The following CXCL13 variants were observed in gnomAD, a reference collection of about 807,000 sequenced individuals.
CXCL13 encodes the protein C-X-C motif chemokine 13.
CXCL13 carries 7 observed loss-of-function variants against 12.2 expected under a neutral mutation model. The ratio of observed to expected loss-of-function variants is 0.57; its 90% confidence interval spans 0.33 to 1.07. The LOEUF is 1.07. Among genes scored for constraint, CXCL13 ranks in the 50% least tolerant of loss-of-function variants. The pLI is 0.04. For synonymous variants in CXCL13, 47 were observed against 42.4 expected (o/e 1.11, Z -0.42); for missense variants, 113 against 127.4 (o/e 0.89, Z 0.55).
chr4:77,519,699 G>A (rs1056813957), intron 1 of CXCL13, among the ~76,000 whole-genome samples: 4 of 152,162 alleles, frequency 2.6e-5, no homozygotes, highest in Admixed American at 6.5e-5. Flanking sequence ...CTTTTGCTGT[G>A]CAGAAGATCT....
intron 1 of CXCL13, among the ~76,000 whole-genome samples, chr4:77,515,740 A>G (rs1247719811): frequency 1.3e-5 from 2 of 152,220 alleles, no homozygotes; most frequent in African/African-American, 2.4e-5. Flanking sequence ...ATATACCATC[A>G]TGTCATCTGC....
chr4:77,580,478 C>A (rs1219104139), intron 1 of CXCL13, among the ~76,000 whole-genome samples: 1 of 150,974 alleles, frequency 6.6e-6, no homozygotes. Context: ...AGGCACCCAC[C>A]ACCACGCACA....
At chr4:77,539,937 A>G (rs184478166) in intron 1 of CXCL13, among the ~76,000 whole-genome samples, 329 of 152,174 alleles carry the variant, frequency 2.2e-3, no homozygotes, top group Non-Finnish European at 3.7e-3. Context: ...TCCAAAAGTG[A>G]CTCAAAACCA....
intron 1 of CXCL13, among the ~76,000 whole-genome samples, chr4:77,591,142 A>G (rs1271803889): frequency 6.6e-6 from 1 of 152,220 alleles, no homozygotes; most frequent in Non-Finnish European, 1.5e-5. Context: ...CGTACCATTT[A>G]TTACATATAC....
At chr4:77,567,916 G>A (rs1340802281) in intron 1 of CXCL13, among the ~76,000 whole-genome samples, 1 of 152,158 alleles carries the variant, frequency 6.6e-6, no homozygotes, top group Non-Finnish European at 1.5e-5. Context: ...AGCCCTCAGG[G>A]CTACTCTGCC....
intron 1 of CXCL13, among the ~76,000 whole-genome samples, chr4:77,545,960 G>T (rs1725351544): frequency 6.6e-6 from 1 of 152,180 alleles, no homozygotes; most frequent in South Asian, 2.1e-4. Context: ...AGAGCGAAGG[G>T]CTGTTGAATT....
chr4:77,545,407 T>A (rs563315253), intron 1 of CXCL13, among the ~76,000 whole-genome samples: 2 of 152,322 alleles, frequency 1.3e-5, no homozygotes, highest in East Asian at 3.9e-4. Flanking sequence ...TTTGATTGTG[T>A]CCTCTTTTAT....
chr4:77,573,337 C>G (rs1305586256), intron 1 of CXCL13, among the ~76,000 whole-genome samples: 2 of 147,406 alleles, frequency 1.4e-5, no homozygotes, highest in Admixed American at 6.8e-5. Context: ...GACTAGAGTT[C>G]CAAGAAAAAA....
rs928113012 is a variant in CXCL13 at position 77,594,454 on chromosome 4, A to G, written c.-42-11370A>G. Among the ~76,000 whole-genome samples the G allele has an allele frequency of 7.9e-5, 12 of 152,208 alleles. No individual in the cohort carries two copies. The East Asian group carries it at 2.1e-3, about 27-fold the overall frequency. ...AATAGGCTGGTCAGGAAGTCCCCCA[A>G]TACTTGCATCAAAATTACCCATTTT... On this transcript the variant is annotated intron_variant, in intron 1 of 4. Coordinates refer to the CXCL13 transcript ENST00000286758.
At chr4:77,590,646 G>A (rs1320608658) in intron 1 of CXCL13, among the ~76,000 whole-genome samples, 1 of 152,142 alleles carries the variant, frequency 6.6e-6, no homozygotes, top group Non-Finnish European at 1.5e-5. Flanking sequence ...ATGTCCATTG[G>A]CATGACAGTA....
At chr4:77,589,729 T>C (rs1726563115) in intron 1 of CXCL13, among the ~76,000 whole-genome samples, 1 of 152,180 alleles carries the variant, frequency 6.6e-6, no homozygotes, top group South Asian at 2.1e-4. Context: ...TTGGCATTTG[T>C]TAAGTGTTTG....
At chr4:77,519,271 C>T (rs7685785) in intron 1 of CXCL13, among the ~76,000 whole-genome samples, 12,970 of 152,200 alleles carry the variant, frequency 0.085, 659 homozygotes, top group South Asian at 0.12. Context: ...GCAGTCTGCC[C>T]GTTCTCAGAT....
At chr4:77,571,999 C>A (rs1726096477) in intron 1 of CXCL13, among the ~76,000 whole-genome samples, 1 of 151,764 alleles carries the variant, frequency 6.6e-6, no homozygotes, top group Admixed American at 6.6e-5. Context: ...GACCACGAAC[C>A]CACCAGAAGA....
At chr4:77,540,140 C>T (rs1374111842) in intron 1 of CXCL13, among the ~76,000 whole-genome samples, 4 of 151,972 alleles carry the variant, frequency 2.6e-5, no homozygotes, top group Non-Finnish European at 5.9e-5. Flanking sequence ...ATTTATATGC[C>T]AGATACCTAA....
chr4:77,549,231 A>G (rs1352057498), intron 1 of CXCL13, among the ~76,000 whole-genome samples: 1 of 152,192 alleles, frequency 6.6e-6, no homozygotes, highest in Non-Finnish European at 1.5e-5. Context: ...CTAGTTAGCC[A>G]TTCTTCTAAT....
At chr4:77,575,134 G>A (rs903899059) in intron 1 of CXCL13, among the ~76,000 whole-genome samples, 1 of 151,854 alleles carries the variant, frequency 6.6e-6, no homozygotes, top group African/African-American at 2.4e-5. Context: ...TAAAAACACA[G>A]GGTACTCTTA....
intron 1 of CXCL13, among the ~76,000 whole-genome samples, chr4:77,545,611 T>C (rs1001289906): frequency 6.6e-6 from 1 of 152,202 alleles, no homozygotes; most frequent in African/African-American, 2.4e-5. Context: ...TCCTGAGACT[T>C]TGCTGAAGTT....
intron 1 of CXCL13, among the ~76,000 whole-genome samples, chr4:77,518,660 A>G (rs1724493628): frequency 6.6e-6 from 1 of 152,034 alleles, no homozygotes; most frequent in Non-Finnish European, 1.5e-5. Flanking sequence ...TCCTTTAAGC[A>G]CTTCTCTATA....
At chr4:77,567,651 G>A (rs2109816547) in intron 1 of CXCL13, among the ~76,000 whole-genome samples, 1 of 152,246 alleles carries the variant, frequency 6.6e-6, no homozygotes, top group South Asian at 2.1e-4. Flanking sequence ...AACCAAGATG[G>A]TGGCAAAAGT....
Sources: allele counts gnomAD v4.1 joint callset (sites outside exome capture counted in the v4.1 genomes callset), GRCh38; gene constraint gnomAD v4.1.1; transcripts MANE v1.5; gene names NCBI Gene and HGNC (gene_info 2026-07-23, HGNC 2026-07-21).